CEP162: variants seen among roughly 807,000 people sequenced by gnomAD.
CEP162 encodes centrosomal protein 162.
CEP162 carries 141 observed loss-of-function variants against 169.2 expected under a neutral mutation model. The observed-to-expected ratio is 0.83, with a 90% CI of 0.73 to 0.96. CEP162 has a LOEUF of 0.96. CEP162 is among the 40% of genes least tolerant of loss of function. The pLI, the probability that CEP162 is intolerant of heterozygous loss-of-function variation, is 0.00. For missense variants in CEP162, 1,600 were observed against 1,587.2 expected (o/e 1.01, Z -0.14); for synonymous variants, 540 against 526.4 (o/e 1.03, Z -0.35).
Position 84,168,534 on chromosome 6 carries a change from C to T in CEP162, c.2385+794G>A, listed in dbSNP as rs576209436. Reference sequence around the variant, plus strand: ...GGCTTTTTAGTTTAGTACTATCATTCTCAAAGGGAGGGGTGGGAGGAAGTA... The same window carrying T: ...GGCTTTTTAGTTTAGTACTATCATTTTCAAAGGGAGGGGTGGGAGGAAGTA... On this transcript the variant is annotated intron_variant, in intron 18 of 26. Coordinates refer to ENST00000403245, the MANE Select transcript of CEP162 (RefSeq NM_014895.4). 1.8e-3 allele frequency among the ~76,000 whole-genome samples: 270 copies of T among 152,090 alleles called. 1 individual carries two copies. Among genetic ancestry groups the T allele is most frequent in the African/African-American group, 5.7e-3 (237 of 41,498 alleles).
chr6:84,143,577 AAGG>A (rs2099517587), intron 25 of CEP162, among the ~76,000 whole-genome samples: 1 of 151,996 alleles, frequency 6.6e-6, no homozygotes, highest in South Asian at 2.1e-4. Flanking sequence ...TATAATGAAA[AAGG>A]AGAACGAAGA....
chr6:84,173,376 T>C (rs898853707), intron 16 of CEP162, among the ~76,000 whole-genome samples: 1 of 152,244 alleles, frequency 6.6e-6, no homozygotes, highest in African/African-American at 2.4e-5. Context: ...AAACTTACGA[T>C]GAAGTTACAT....
At chr6:84,149,503 C>A in intron 24 of CEP162, 59 bp downstream of exon 24, 1 of 1,308,326 alleles carries the variant, frequency 7.6e-7, no homozygotes, top group East Asian at 2.5e-5. Flanking sequence ...TAACTTTAAT[C>A]TCATTAAAGT....
chr6:84,189,162 C>T (rs1440674737), intron 11 of CEP162, among the ~76,000 whole-genome samples: 1 of 152,136 alleles, frequency 6.6e-6, no homozygotes, highest in East Asian at 1.9e-4. Context: ...AGCGATTCTC[C>T]TGCCTCAGCC....
At chr6:84,146,472 C>T (rs2099518918) in intron 25 of CEP162, among the ~76,000 whole-genome samples, 1 of 152,042 alleles carries the variant, frequency 6.6e-6, no homozygotes, top group African/African-American at 2.4e-5. Context: ...CACAAAATCT[C>T]AACAGCAAAT....
intron 25 of CEP162, among the ~76,000 whole-genome samples, chr6:84,131,117 A>G (rs1023878732): frequency 1.3e-5 from 2 of 152,170 alleles, no homozygotes; most frequent in Non-Finnish European, 2.9e-5. Context: ...TTATTTATCC[A>G]GTAGTCCTTC....
At position 84,195,082 on chromosome 6, in the gene CEP162, A is replaced by G. The variant is rs779527790; in HGVS notation, c.836-7T>C. The G allele has an allele frequency of 6.4e-7, 1 of 1,550,686 alleles. No individual in the cohort carries two copies. The highest frequency in any genetic ancestry group is 2.3e-5 in the East Asian group (1 of 44,010). ...CTTTGTCCATAAGAAACACCTGTTG[A>G]AATAAACGTAATCACCAGAAATAAT... On this transcript the variant is annotated splice_polypyrimidine_tract_variant and splice_region_variant and intron_variant, in intron 9 of 26. Coordinates refer to ENST00000403245, the MANE Select transcript of CEP162 (RefSeq NM_014895.4).
chr6:84,177,598 C>T (rs1251173556), intron 13 of CEP162, among the ~76,000 whole-genome samples: 2 of 152,100 alleles, frequency 1.3e-5, no homozygotes, highest in Non-Finnish European at 2.9e-5. Context: ...TGCCATGGTG[C>T]GATCTCGGCT....
intron 18 of CEP162, 141 bp downstream of exon 18, chr6:84,169,187 C>G (rs1212773848): frequency 1.7e-6 from 1 of 577,946 alleles, no homozygotes; most frequent in Non-Finnish European, 3.0e-6. Context: ...TAAGATATTT[C>G]TCCCTAAGTT....
chr6:84,226,531 T>G (rs896156476), intron 1 of CEP162, 79 bp from the exon 2 acceptor site: 8 of 667,458 alleles, frequency 1.2e-5, no homozygotes, highest in African/African-American at 1.8e-5. Flanking sequence ...CTTCGGACAT[T>G]TGTTATGATT....
At chr6:84,189,592 T>A (rs1485791087) in intron 11 of CEP162, among the ~76,000 whole-genome samples, 1 of 152,220 alleles carries the variant, frequency 6.6e-6, no homozygotes, top group African/African-American at 2.4e-5. Flanking sequence ...CGCCGGGCCT[T>A]AGCTGCCTTC....
chr6:84,218,781 T>C (rs1588894854), intron 3 of CEP162, among the ~76,000 whole-genome samples: 1 of 152,244 alleles, frequency 6.6e-6, no homozygotes, highest in African/African-American at 2.4e-5. Context: ...CCTCCATAAG[T>C]TGTAAAAAAT....
intron 3 of CEP162, among the ~76,000 whole-genome samples, chr6:84,216,910 A>G (rs983760889): frequency 2.6e-5 from 4 of 152,318 alleles, no homozygotes; most frequent in Non-Finnish European, 4.4e-5. Context: ...ATTTTTTTAT[A>G]ATAAAAAGTT....
chr6:84,225,951 A>G (rs569793680), intron 2 of CEP162, among the ~76,000 whole-genome samples: 51 of 152,320 alleles, frequency 3.3e-4, no homozygotes, highest in South Asian at 2.1e-3. Flanking sequence ...ACTGTGGAAT[A>G]AATAAAGTGG....
rs1206736946 is a variant in CEP162 at position 84,127,963 on chromosome 6, C to CCTA, written c.3871-1452_3871-1451insTAG. On this transcript the variant is annotated intron_variant, in intron 25 of 26. Coordinates refer to ENST00000403245, the MANE Select transcript of CEP162 (RefSeq NM_014895.4). Reference sequence around the variant, plus strand: ...AGTCATTATATTATGATGTGCTAGGCATTAGGCTGAGCACTTTACAGATGT... The same window carrying CCTA: ...AGTCATTATATTATGATGTGCTAGGCCTAATTAGGCTGAGCACTTTACAGATGT... Among the ~76,000 whole-genome samples the CCTA allele has an allele frequency of 2.6e-5, 4 of 152,154 alleles. No individual in the cohort carries two copies. The South Asian group carries it at 8.3e-4, about 32-fold the overall frequency.
chr6:84,155,366 G>C lies in CEP162; in HGVS notation c.2926C>G (p.Leu976Val), dbSNP rs369904654. ...EKRIKKLEAD[L>V]EGKDEDAKKS... Reference sequence around the variant, plus strand: ...TTTGCATCTTCATCTTTGCCCTCCAGATCAGCTTCTAGCTTTTTTATCCTT... The same window carrying C: ...TTTGCATCTTCATCTTTGCCCTCCACATCAGCTTCTAGCTTTTTTATCCTT... Residue 976 changes from leucine to valine, a missense_variant, in exon 22 of 27, where the codon CTG becomes GTG. Coordinates refer to ENST00000403245, the MANE Select transcript of CEP162 (RefSeq NM_014895.4). 4 of 1,613,530 alleles carry C rather than the reference G, an allele frequency of 2.5e-6. No homozygotes were observed. The African/African-American group carries it at 5.3e-5, about 22-fold the overall frequency.
At chr6:84,199,947 GTTCTACATAAGAT>G (rs1424433083) in intron 9 of CEP162, among the ~76,000 whole-genome samples, 1 of 152,132 alleles carries the variant, frequency 6.6e-6, no homozygotes, top group African/African-American at 2.4e-5. Context: ...CTATGAGAGA[GTTCTACATAAGAT>G]TTCAACTGGG....
At chr6:84,226,894 T>C (rs1297487350) in intron 1 of CEP162, among the ~76,000 whole-genome samples, 1 of 152,156 alleles carries the variant, frequency 6.6e-6, no homozygotes, top group African/African-American at 2.4e-5. Context: ...TCCATAGTAA[T>C]AGTTTCGTAA....
chr6:84,206,802 A>C (rs2099547316), intron 6 of CEP162, among the ~76,000 whole-genome samples: 2 of 152,222 alleles, frequency 1.3e-5, no homozygotes, highest in African/African-American at 2.4e-5. Flanking sequence ...AATGGGAGAA[A>C]ATTTTCACAA....
Sources: gnomAD v4.1 joint callset for allele counts (sites outside exome capture counted in the v4.1 genomes callset) on GRCh38, gnomAD v4.1.1 for gene constraint, MANE v1.5 for transcripts, NCBI Gene and HGNC (gene_info 2026-07-23, HGNC 2026-07-21) for gene names.